ACLY: variants seen among roughly 807,000 people sequenced by gnomAD.
ACLY encodes ATP citrate lyase.
A neutral mutation model predicts 133.0 loss-of-function variants in ACLY; 41 were observed. The observed-to-expected ratio is 0.31, with a 90% CI of 0.24 to 0.40. ACLY has a LOEUF of 0.40. ACLY is among the 10% of genes least tolerant of loss of function. The probability of loss-of-function intolerance (pLI) is 1.00; values close to 1 mark genes in which losing one functional copy is unlikely to be tolerated. For synonymous variants in ACLY, 495 were observed against 549.3 expected (o/e 0.90, Z 1.38); for missense variants, 1,046 against 1,453.8 (o/e 0.72, Z 4.56).
chr17:41,920,966 T>G (rs538051967), upstream of ACLY, among the ~76,000 whole-genome samples: 25 of 150,280 alleles, frequency 1.7e-4, no homozygotes, highest in African/African-American at 5.9e-4. Context: ...GGAGGCTGAG[T>G]CAGGAGAATC....
chr17:41,873,452 A>G (rs1178332991), intron 23 of ACLY, among the ~76,000 whole-genome samples: 1 of 152,088 alleles, frequency 6.6e-6, no homozygotes, highest in South Asian at 2.1e-4. Context: ...AAGTGCTGGG[A>G]TGACAGGCGT....
upstream of ACLY, among the ~76,000 whole-genome samples, chr17:41,923,939 T>A (rs1290652781): frequency 6.6e-6 from 1 of 151,910 alleles, no homozygotes; most frequent in Non-Finnish European, 1.5e-5. Flanking sequence ...GCCTCCTGAG[T>A]AGCTGGGATT....
At chr17:41,904,687 A>G (rs1555632246) in intron 10 of ACLY, 42 bp downstream of exon 10, 1 of 1,599,140 alleles carries the variant, frequency 6.3e-7, no homozygotes. Flanking sequence ...GCTTTCCCCA[A>G]ACCACTTTCC....
chr17:41,918,710 C>T (rs2050123158), intron 1 of ACLY, among the ~76,000 whole-genome samples, 170 bp downstream of exon 1: 1 of 152,180 alleles, frequency 6.6e-6, no homozygotes, highest in African/African-American at 2.4e-5. Flanking sequence ...CGGCCACCGG[C>T]CGGGACCCCG....
At chr17:41,899,940 G>A (rs2144347595) in intron 11 of ACLY, among the ~76,000 whole-genome samples, 1 of 151,728 alleles carries the variant, frequency 6.6e-6, no homozygotes, top group African/African-American at 2.4e-5. Flanking sequence ...ATTGTGGCAT[G>A]TATCTGTAGT....
chr17:41,910,343 A>G, intron 3 of ACLY, 59 bp from the exon 4 acceptor site: 8 of 1,499,478 alleles, frequency 5.3e-6, no homozygotes, highest in Non-Finnish European at 7.4e-6. Context: ...CCCCTAGGGC[A>G]GAAGGAGGGA....
intron 1 of ACLY, among the ~76,000 whole-genome samples, chr17:41,918,615 C>A (rs1277012351): frequency 2.0e-5 from 3 of 152,066 alleles, no homozygotes; most frequent in African/African-American, 7.2e-5. Flanking sequence ...GCAGAAGAGG[C>A]AAGGATGGCG....
rs112911848 is a variant in ACLY, at chr17:41,891,707, T to C, written c.1770+572A>G. ...GTATATTTTATTTTACTTTATTTAA[T>C]TTTTTAAAGACAGGGTCTTGCTCTG... On this transcript the variant is annotated intron_variant, in intron 16 of 28. Coordinates refer to ENST00000352035, the MANE Select transcript of ACLY (RefSeq NM_001096.3). Among the ~76,000 whole-genome samples, 27 of 152,234 alleles carry C rather than the reference T, an allele frequency of 1.8e-4. 1 individual carries two copies. Among genetic ancestry groups the C allele is most frequent in the African/African-American group, 6.0e-4 (25 of 41,536 alleles).
intron 17 of ACLY, among the ~76,000 whole-genome samples, chr17:41,886,746 T>TA (rs1308438224): frequency 7.9e-5 from 12 of 151,312 alleles, no homozygotes; most frequent in Non-Finnish European, 1.2e-4. Flanking sequence ...TGAAGTGTGT[T>TA]ATAACTGCAC....
chr17:41,884,313 G>C (rs782531547), intron 18 of ACLY, 39 bp from the exon 19 acceptor site: 3 of 1,351,970 alleles, frequency 2.2e-6, no homozygotes, highest in Non-Finnish European at 3.2e-6. Context: ...AGGATCAGGA[G>C]GAGGCCTGGG....
At chr17:41,898,933 A>C (rs1283140838) in intron 11 of ACLY, 148 bp from the exon 12 acceptor site, 4 of 801,030 alleles carry the variant, frequency 5.0e-6, no homozygotes, top group Non-Finnish European at 7.6e-6. Flanking sequence ...CAGCTGTCAT[A>C]ATTTCACCAC....
In ACLY at chr17:41,895,791, C is replaced by T. The variant is rs376177566; in HGVS notation, c.1459+829G>A. Among the ~76,000 whole-genome samples the T allele has an allele frequency of 4.6e-5, 7 of 152,286 alleles. No homozygotes were observed. In the South Asian group the frequency reaches 8.3e-4, roughly 18 times the overall value. On this transcript the variant is annotated intron_variant, in intron 14 of 28. Coordinates refer to ENST00000352035, the MANE Select transcript of ACLY (RefSeq NM_001096.3). ...ATTCCAGGCCTTTCCAGCTGGTTATCGACCCTGCCAATTACTCCTTCCCCT... is the reference window on the plus strand; with the variant it reads ...ATTCCAGGCCTTTCCAGCTGGTTATTGACCCTGCCAATTACTCCTTCCCCT...
upstream of ACLY, among the ~76,000 whole-genome samples, chr17:41,919,302 G>A (rs1449252350): frequency 7.1e-6 from 1 of 140,996 alleles, no homozygotes; most frequent in Non-Finnish European, 1.6e-5. Flanking sequence ...CACTCGGGGA[G>A]TTGGGGGAGG....
At position 41,913,709 on chromosome 17, in the gene ACLY, G is replaced by A. The variant is rs1555634034; in HGVS notation, c.159+6C>T. 2.5e-6 allele frequency: 4 copies of A among 1,613,476 alleles called. No individual in the cohort carries two copies. The highest frequency in any genetic ancestry group is 1.1e-5 in the South Asian group (1 of 91,056). On this transcript the variant is annotated splice_donor_region_variant and intron_variant, in intron 2 of 28. Transcript: ENST00000352035. The stretch of plus-strand genomic sequence containing the variant: ...AAGAAAGGCCCAAAGTGGAGGCAGG[G>A]CTCACCTGGCTGAGCAGCCAGGGGT...
At chr17:41,918,560 G>A (rs1555634884) in intron 1 of ACLY, among the ~76,000 whole-genome samples, 3 of 152,362 alleles carry the variant, frequency 2.0e-5, no homozygotes, top group African/African-American at 7.2e-5. Context: ...CTGTGCCCGG[G>A]AGGGGTGAGG....
intron 1 of ACLY, among the ~76,000 whole-genome samples, chr17:41,924,103 C>T (rs376338910): frequency 6.6e-6 from 1 of 151,912 alleles, no homozygotes; most frequent in African/African-American, 2.4e-5. Flanking sequence ...GCCACCACGC[C>T]CGGCCCAGTT....
At chr17:41,907,400 G>T in intron 7 of ACLY, 42 bp downstream of exon 7, 1 of 1,012,786 alleles carries the variant, frequency 9.9e-7, no homozygotes, top group Non-Finnish European at 1.4e-6. Context: ...CCTCCCCACC[G>T]CCCTCCCCCC....
intron 11 of ACLY, among the ~76,000 whole-genome samples, chr17:41,900,096 A>AAAAAAAAAAAAAAT (rs1555631262): frequency 7.0e-6 from 1 of 142,948 alleles, no homozygotes; most frequent in African/African-American, 2.7e-5. Flanking sequence ...AAAAAAAAAA[A>AAAAAAAAAAAAAAT]TTGCCTATAA....
At chr17:41,871,644 C>T (rs781914054) in intron 25 of ACLY, 45 bp downstream of exon 25, 12 of 1,610,780 alleles carry the variant, frequency 7.4e-6, no homozygotes, top group African/African-American at 6.7e-5. Flanking sequence ...CATGGGCCAC[C>T]GCGCCTGGCC....
Sources: allele counts gnomAD v4.1 joint callset (sites outside exome capture counted in the v4.1 genomes callset), GRCh38; gene constraint gnomAD v4.1.1; transcripts MANE v1.5; gene names NCBI Gene and HGNC (gene_info 2026-07-23, HGNC 2026-07-21).